Variants in LANCL3 observed in about 807,000 individuals in gnomAD.
The protein encoded by LANCL3 is LanC like family member 3.
LANCL3 carries 19 observed loss-of-function variants against 26.5 expected under a neutral mutation model. That is an observed-to-expected ratio of 0.72 (90% CI 0.50 to 1.05). The LOEUF is 1.05. Ranked by LOEUF, LANCL3 falls within the 50% of genes least tolerant of loss-of-function variation. LANCL3 has a pLI of 0.00. For synonymous variants in LANCL3, 160 were observed against 166.6 expected, an observed-to-expected ratio of 0.96 and a Z score of 0.30; for missense variants, 318 against 362.7, an observed-to-expected ratio of 0.88 and a Z score of 1.00.
chrX:37,684,441 A>C lies in LANCL3; in HGVS notation c.*8628A>C, dbSNP rs1013870495. On this transcript the variant is annotated 3_prime_UTR_variant, in exon 5 of 5. Transcript: ENST00000378619. ...AAAACCTGTGATAATCCTTTGCCTTAAAATAAAATCTAATGCTAAATATTC... is the reference window on the plus strand; with the variant it reads ...AAAACCTGTGATAATCCTTTGCCTTCAAATAAAATCTAATGCTAAATATTC... 7.1e-5 allele frequency: 8 copies of C among 112,898 alleles called. No homozygotes were observed. Among genetic ancestry groups the C allele is most frequent in the African/African-American group, 2.3e-4 (7 of 31,042 alleles). 9.3% of individuals were successfully genotyped at this position (112,898 alleles called of 1,213,427 possible). A position where few individuals can be genotyped will look rare whatever the true frequency, so the allele number is the denominator to read the frequency against.
chrX:37,658,723 C>T (rs782093762), intron 2 of LANCL3, among the ~76,000 whole-genome samples: 2 of 112,059 alleles, frequency 1.8e-5, no homozygotes, highest in South Asian at 7.5e-4. Context: ...ACAAATCTGG[C>T]CGTTTCATTG....
At chrX:37,581,769 C>A (rs1259680635) in intron 1 of LANCL3, among the ~76,000 whole-genome samples, 1 of 111,924 alleles carries the variant, frequency 8.9e-6, no homozygotes, top group Admixed American at 9.5e-5. Context: ...AAAACCCGAA[C>A]TTATTATTTG....
rs1251682987 is a variant in LANCL3 at position 37,681,621 on chromosome X, A to G, written c.*5808A>G. ...TTTATTATTTTACCCCCTTTTGAAG[A>G]TTACATGGTACATTAACATATTAAA... is the stretch of plus-strand genomic sequence containing the variant. On this transcript the variant is annotated 3_prime_UTR_variant, in exon 5 of 5. Coordinates refer to ENST00000378619, the MANE Select transcript of LANCL3 (RefSeq NM_001170331.2). 7 of 112,318 alleles carry G rather than the reference A, an allele frequency of 6.2e-5. No individual in the cohort carries two copies. The highest frequency in any genetic ancestry group is 7.5e-5 in the Non-Finnish European group (4 of 53,264). 9.3% of individuals were successfully genotyped at this position (112,318 alleles called of 1,213,427 possible).
chrX:37,592,713 G>T (rs1924322446), intron 1 of LANCL3, among the ~76,000 whole-genome samples: 1 of 111,923 alleles, frequency 8.9e-6, no homozygotes, highest in African/African-American at 3.2e-5. Context: ...CAATGAGATT[G>T]ATAATAAGAG....
Position 37,656,247 on chromosome X carries a change from C to CA in LANCL3, c.697+449dup, listed in dbSNP as rs781921541. On this transcript the variant is annotated intron_variant, in intron 2 of 4. Coordinates refer to ENST00000378619, the MANE Select transcript of LANCL3 (RefSeq NM_001170331.2). ...GGCTAATGGTGAGCTCTGGGCCATG[C>CA]AAAAAAAAAAAAAGGGAAATTAGTT... is the stretch of plus-strand genomic sequence containing the variant. 5.5e-3 allele frequency among the ~76,000 whole-genome samples: 468 copies of CA among 85,106 alleles called. 3 individuals carry two copies. In the East Asian group the frequency reaches 0.057, roughly 10 times the overall value. 73.9% of individuals were successfully genotyped at this position (85,106 alleles called of 115,157 possible).
At chrX:37,592,441 T>A (rs1556419098) in intron 1 of LANCL3, among the ~76,000 whole-genome samples, 2 of 111,930 alleles carry the variant, frequency 1.8e-5, no homozygotes, top group African/African-American at 6.5e-5. Context: ...GGTAACAAAA[T>A]ATACAAATAG....
At position 37,659,646 on chromosome X, in the gene LANCL3, C is replaced by T; in HGVS notation, c.882C>T (p.Cys294=). 1 of 1,208,329 alleles carries T rather than the reference C, an allele frequency of 8.3e-7. No individual in the cohort carries two copies. The highest frequency in any genetic ancestry group is 1.1e-6 in the Non-Finnish European group (1 of 893,544). The part of the protein sequence containing the change: ...IERENELVHW[C]HGAPGIAYLF... ...GAGAGAATGAGCTGGTGCACTGGTG[C>T]CATGGCGCTCCAGGTCTCACACACT... Residue 294 remains cysteine (C), a synonymous_variant, in exon 3 of 5, where the codon TGC becomes TGT. Coordinates refer to ENST00000378619, the MANE Select transcript of LANCL3 (RefSeq NM_001170331.2).
chrX:37,656,101 T>C (rs908828938), intron 2 of LANCL3, among the ~76,000 whole-genome samples: 13 of 111,694 alleles, frequency 1.2e-4, no homozygotes, highest in Non-Finnish European at 2.3e-4. Flanking sequence ...TGCTGAAACA[T>C]TGTGAAAACT....
intron 1 of LANCL3, among the ~76,000 whole-genome samples, chrX:37,577,791 C>T (rs1461546241): frequency 8.9e-6 from 1 of 112,002 alleles, no homozygotes; most frequent in Non-Finnish European, 1.9e-5. Flanking sequence ...ATCTATCTTC[C>T]TGCTGTGATT....
At position 37,683,559 on chromosome X, in the gene LANCL3, G is replaced by A. The variant is rs1319081795; in HGVS notation, c.*7746G>A. 4 of 111,373 alleles carry A rather than the reference G, an allele frequency of 3.6e-5. No individual in the cohort carries two copies. 9.2% of individuals were successfully genotyped at this position (111,373 alleles called of 1,213,427 possible). On this transcript the variant is annotated 3_prime_UTR_variant, in exon 5 of 5. Coordinates refer to ENST00000378619, the MANE Select transcript of LANCL3 (RefSeq NM_001170331.2). ...ATACAAGTAAAATTTTGAAAGACTC[G>A]GACACAAAATGAAAGGCTTTTTAAA...
intron 1 of LANCL3, among the ~76,000 whole-genome samples, chrX:37,583,403 T>A (rs1370684238): frequency 1.8e-5 from 2 of 111,972 alleles, no homozygotes; most frequent in African/African-American, 3.3e-5. Context: ...TAAATTACCT[T>A]GGGCAGTATA....
At position 37,675,693 on chromosome X, in the gene LANCL3, T is replaced by G. The variant is rs1926783611; in HGVS notation, c.1143T>G (p.Gly381=). The G allele has an allele frequency of 1.7e-6, 2 of 1,154,092 alleles. No individual in the cohort carries two copies. Among genetic ancestry groups the G allele is most frequent in the East Asian group, 6.6e-5 (2 of 30,484 alleles). Residue 381 remains glycine, a synonymous_variant, in exon 5 of 5, where the codon GGT becomes GGG. Transcript: ENST00000378619. ...QFLFTEEFKA[G]SRVLESIYSL... ...TATTTACCGAGGAATTCAAGGCCGG[T>G]TCTCGGGTCCTTGAAAGTATATACA...
chrX:37,629,334 G>A (rs1431888992), intron 1 of LANCL3, among the ~76,000 whole-genome samples: 1 of 107,265 alleles, frequency 9.3e-6, no homozygotes, highest in African/African-American at 3.4e-5. Flanking sequence ...GTTCACTGTA[G>A]ATTCTGGATA....
Position 37,659,608 on chromosome X carries a change from G to T in LANCL3, c.844G>T (p.Glu282Ter). ...CTGCAACTGGCCACCTGAGCTCGGCGAGACCATCGAGAGAGAGAATGAGCT... is the reference window on the plus strand; with the variant it reads ...CTGCAACTGGCCACCTGAGCTCGGCTAGACCATCGAGAGAGAGAATGAGCT... ...QNCNWPPELG[E>*]TIERENELVH... Residue 282 changes from glutamate to a stop codon, truncating the protein, a stop_gained, in exon 3 of 5, where the codon GAG becomes TAG. Transcript: ENST00000378619. LOFTEE classifies it high-confidence loss of function. The T allele has an allele frequency of 8.3e-7, 1 of 1,210,341 alleles. No homozygotes were observed.
chrX:37,580,139 AAAT>A (rs1923857703), intron 1 of LANCL3, among the ~76,000 whole-genome samples: 1 of 111,844 alleles, frequency 8.9e-6, no homozygotes, highest in Non-Finnish European at 1.9e-5. Flanking sequence ...GTTTGGCTTG[AAAT>A]GGCAGCAGGG....
intron 1 of LANCL3, among the ~76,000 whole-genome samples, chrX:37,616,496 G>T (rs1246550452): frequency 8.9e-6 from 1 of 111,954 alleles, no homozygotes; most frequent in Non-Finnish European, 1.9e-5. Context: ...TACTTTCTCT[G>T]CAGAAATGTC....
chrX:37,593,548 G>T (rs1178459096), intron 1 of LANCL3, among the ~76,000 whole-genome samples: 2 of 112,144 alleles, frequency 1.8e-5, no homozygotes, highest in Admixed American at 9.4e-5. Context: ...TTAATTTTTT[G>T]CCTCAAAGGA....
intron 1 of LANCL3, among the ~76,000 whole-genome samples, chrX:37,651,042 C>G (rs1926128373): frequency 9.0e-6 from 1 of 110,708 alleles, no homozygotes; most frequent in Admixed American, 9.6e-5. Flanking sequence ...ATCCATGGCC[C>G]TACAAAGGAC....
At chrX:37,635,451 A>G in intron 1 of LANCL3, among the ~76,000 whole-genome samples, 1 of 111,555 alleles carries the variant, frequency 9.0e-6, no homozygotes, top group Non-Finnish European at 1.9e-5. Flanking sequence ...CACAATTAAC[A>G]TGTTCTCCCC....
Sources: gnomAD v4.1 joint callset for allele counts (sites outside exome capture counted in the v4.1 genomes callset) on GRCh38, gnomAD v4.1.1 for gene constraint, MANE v1.5 for transcripts, NCBI Gene and HGNC (gene_info 2026-07-23, HGNC 2026-07-21) for gene names.